FSTL5: variants seen among roughly 807,000 people sequenced by gnomAD.
FSTL5 encodes follistatin-related protein 5.
In FSTL5, 62 loss-of-function variants were observed where a neutral mutation model predicts 89.1. That is an observed-to-expected ratio of 0.70 (90% confidence interval 0.57 to 0.86). The LOEUF (loss-of-function observed/expected upper bound fraction) is 0.86, where lower values mean the gene tolerates loss of function less well. Among genes scored for constraint, FSTL5 ranks in the 40% least tolerant of loss-of-function variants. The pLI, the probability that FSTL5 is intolerant of heterozygous loss-of-function variation, is 0.00. For missense variants in FSTL5, 1,057 were observed against 1,001.6 expected (o/e 1.06, Z -0.75); for synonymous variants, 383 against 346.2 (o/e 1.11, Z -1.18).
intron 15 of FSTL5, among the ~76,000 whole-genome samples, chr4:161,453,719 C>T (rs764455134): frequency 6.6e-6 from 1 of 152,072 alleles, no homozygotes; most frequent in Non-Finnish European, 1.5e-5. Flanking sequence ...CTCATCCTCA[C>T]GAGCAGCTGG....
At chr4:161,660,393 G>C (rs1203750087) in intron 6 of FSTL5, among the ~76,000 whole-genome samples, 1 of 152,058 alleles carries the variant, frequency 6.6e-6, no homozygotes, top group Non-Finnish European at 1.5e-5. Context: ...GTGATTAGTG[G>C]GTATTTATGA....
intron 15 of FSTL5, among the ~76,000 whole-genome samples, chr4:161,391,621 C>T (rs538631548): frequency 2.0e-5 from 3 of 152,262 alleles, no homozygotes; most frequent in East Asian, 1.9e-4. Context: ...ATTGAATGTC[C>T]TTCCTACTCA....
Position 161,890,666 on chromosome 4 carries a change from C to T in FSTL5, c.409+29738G>A, listed in dbSNP as rs561659183. 3.1e-5 allele frequency among the ~76,000 whole-genome samples: 4 copies of T among 128,978 alleles called. No individual in the cohort carries two copies. The East Asian group carries it at 9.2e-4, about 30-fold the overall frequency. 84.6% of individuals were successfully genotyped at this position (128,978 alleles called of 152,430 possible). Reference sequence around the variant, plus strand: ...TTGCACCATTGCACTCCAGCCTGGGCAGCAGAGCAAGACTCTGTCTAAAAA... The same window carrying T: ...TTGCACCATTGCACTCCAGCCTGGGTAGCAGAGCAAGACTCTGTCTAAAAA... On this transcript the variant is annotated intron_variant, in intron 4 of 15. Coordinates refer to ENST00000306100, the MANE Select transcript of FSTL5 (RefSeq NM_020116.5).
intron 3 of FSTL5, among the ~76,000 whole-genome samples, chr4:162,027,552 T>C (rs1737343527): frequency 6.6e-6 from 1 of 152,098 alleles, no homozygotes; most frequent in Admixed American, 6.6e-5. Context: ...CACAAAAACA[T>C]AAATCTCACT....
At chr4:162,006,581 A>G (rs1336509257) in intron 3 of FSTL5, among the ~76,000 whole-genome samples, 2 of 152,002 alleles carry the variant, frequency 1.3e-5, no homozygotes, top group East Asian at 3.9e-4. Context: ...TGAGTACTCA[A>G]TAATTAGCAT....
chr4:162,106,201 A>G (rs1417723232), intron 2 of FSTL5, among the ~76,000 whole-genome samples: 1 of 152,188 alleles, frequency 6.6e-6, no homozygotes, highest in Non-Finnish European at 1.5e-5. Flanking sequence ...TTGATTTAGT[A>G]AGTAAGAGAA....
intron 5 of FSTL5, among the ~76,000 whole-genome samples, chr4:161,771,698 T>A (rs1245105856): frequency 1.3e-5 from 2 of 152,150 alleles, no homozygotes; most frequent in African/African-American, 4.8e-5. Context: ...AATCCTTCCA[T>A]ATGTTTGATT....
chr4:161,847,899 G>T (rs559462026), intron 4 of FSTL5, among the ~76,000 whole-genome samples: 112 of 151,750 alleles, frequency 7.4e-4, no homozygotes, highest in African/African-American at 2.7e-3. Context: ...ATCTGGGTGT[G>T]GTGGTGTGTG....
Position 161,615,529 on chromosome 4 carries a change from C to T in FSTL5, c.895-27954G>A, listed in dbSNP as rs552085996. On this transcript the variant is annotated intron_variant, in intron 7 of 15. Coordinates refer to ENST00000306100, the MANE Select transcript of FSTL5 (RefSeq NM_020116.5). ...CTTCTTCCTTCAAATTTATGTACAA[C>T]TCTACAAACACACACACATGCATGT... Among the ~76,000 whole-genome samples the T allele has an allele frequency of 2.0e-5, 3 of 151,152 alleles. No individual in the cohort carries two copies. In the East Asian group the frequency reaches 5.9e-4, roughly 29 times the overall value.
chr4:161,440,628 G>A (rs1477870995), intron 15 of FSTL5, among the ~76,000 whole-genome samples: 2 of 151,978 alleles, frequency 1.3e-5, no homozygotes, highest in African/African-American at 2.4e-5. Context: ...TGACTTGGTC[G>A]TTCTGTTGGT....
rs951417913 is a variant in FSTL5, at chr4:161,527,487, C to T, written c.1312+10679G>A. On this transcript the variant is annotated intron_variant, in intron 10 of 15. Transcript: ENST00000306100. ...ACCCCTTCAAAAAGTGGGTGAAGGA[C>T]ATGAACAGACACTTCTCAAAAGAAG... Among the ~76,000 whole-genome samples the T allele has an allele frequency of 1.8e-3, 277 of 152,168 alleles. 2 individuals are homozygous for T. Among genetic ancestry groups the T allele is most frequent in the African/African-American group, 6.0e-3 (249 of 41,476 alleles).
chr4:161,705,619 G>A (rs558730284), intron 6 of FSTL5, among the ~76,000 whole-genome samples: 2 of 151,732 alleles, frequency 1.3e-5, no homozygotes, highest in Admixed American at 6.6e-5. Flanking sequence ...TACTGCCTGC[G>A]CTACTCTGTA....
intron 6 of FSTL5, among the ~76,000 whole-genome samples, chr4:161,745,959 A>T (rs1740188547): frequency 6.6e-6 from 1 of 152,192 alleles, no homozygotes; most frequent in African/African-American, 2.4e-5. Context: ...CATCAGTAAA[A>T]AACAAATGTT....
intron 3 of FSTL5, among the ~76,000 whole-genome samples, chr4:161,952,929 A>G (rs1734936572): frequency 6.6e-6 from 1 of 151,834 alleles, no homozygotes; most frequent in Non-Finnish European, 1.5e-5. Context: ...TTACAAAAAT[A>G]TGATGGGTGT....
chr4:161,608,559 T>A (rs1734532989), intron 7 of FSTL5, among the ~76,000 whole-genome samples: 1 of 151,980 alleles, frequency 6.6e-6, no homozygotes, highest in Admixed American at 6.6e-5. Flanking sequence ...TATTTCATAA[T>A]TTGGAAATTT....
At chr4:162,033,250 G>A (rs1737605509) in intron 3 of FSTL5, among the ~76,000 whole-genome samples, 1 of 152,116 alleles carries the variant, frequency 6.6e-6, no homozygotes, top group Non-Finnish European at 1.5e-5. Flanking sequence ...AGATGGCAGT[G>A]ACTAAATAGT....
intron 2 of FSTL5, among the ~76,000 whole-genome samples, chr4:162,034,835 T>A (rs867284914): frequency 3.3e-5 from 5 of 152,102 alleles, no homozygotes; most frequent in Non-Finnish European, 7.4e-5. Flanking sequence ...TAATGACAAA[T>A]GTGTATTTAT....
At chr4:162,154,582 T>C (rs1312352639) in intron 1 of FSTL5, among the ~76,000 whole-genome samples, 1 of 152,134 alleles carries the variant, frequency 6.6e-6, no homozygotes, top group Non-Finnish European at 1.5e-5. Flanking sequence ...AAGTTCATAA[T>C]AAAATATCCT....
rs565322585 is a variant in FSTL5, at chr4:162,163,652, C to T, written c.-54G>A. The T allele has an allele frequency of 6.6e-6, 1 of 151,172 alleles. No homozygotes were observed. Among genetic ancestry groups the T allele is most frequent in the Non-Finnish European group, 1.5e-5 (1 of 67,844 alleles). The allele number at this position is 151,172 out of a possible 1,614,324, so 9.4% of individuals were successfully genotyped here. A position where few individuals can be genotyped will look rare whatever the true frequency, so the allele number is the denominator to read the frequency against. On this transcript the variant is annotated 5_prime_UTR_variant, in exon 1 of 16. Transcript: ENST00000306100. Reference sequence around the variant, plus strand: ...GTCACAAAAGTCCCCCAGAAAGATTCCTAAACGCTGTGGAAATATAAATCA... The same window carrying T: ...GTCACAAAAGTCCCCCAGAAAGATTTCTAAACGCTGTGGAAATATAAATCA...
Sources: allele counts gnomAD v4.1 joint callset (sites outside exome capture counted in the v4.1 genomes callset), GRCh38; gene constraint gnomAD v4.1.1; transcripts MANE v1.5; gene names NCBI Gene and HGNC (gene_info 2026-07-23, HGNC 2026-07-21).